Variants in GPHN observed in about 807,000 individuals in gnomAD.
GPHN encodes the protein gephyrin.
GPHN carries 17 observed loss-of-function variants against 95.5 expected under a neutral mutation model. The observed-to-expected ratio is 0.18, with a 90% CI of 0.12 to 0.27. The LOEUF is 0.27. GPHN is among the 10% of genes least tolerant of loss of function. The pLI is 1.00. For missense variants in GPHN, 660 were observed against 978.1 expected (o/e 0.67, Z 4.34); for synonymous variants, 320 against 322.5 (o/e 0.99, Z 0.08).
At chr14:67,348,456 C>T in the GPHN span, among the ~76,000 whole-genome samples, 4 of 151,392 alleles carry the variant, frequency 2.6e-5, no homozygotes, top group African/African-American at 9.7e-5. Flanking sequence ...CCGCCCACCT[C>T]AGCCTCCCAA....
chr14:67,419,839 C>A, the GPHN span, among the ~76,000 whole-genome samples: 5 of 150,456 alleles, frequency 3.3e-5, no homozygotes, highest in East Asian at 2.0e-4. Flanking sequence ...ACAGAGCCAG[C>A]CTCCGTCTCA....
the GPHN span, among the ~76,000 whole-genome samples, chr14:67,486,234 G>C: frequency 6.6e-6 from 1 of 152,226 alleles, no homozygotes; most frequent in Non-Finnish European, 1.5e-5. Context: ...TTCTCATGCT[G>C]TTCTTGTGAT....
At chr14:67,465,785 A>G in the GPHN span, among the ~76,000 whole-genome samples, 12 of 152,244 alleles carry the variant, frequency 7.9e-5, no homozygotes, top group South Asian at 2.1e-4. Flanking sequence ...GTTGTAATTA[A>G]GGATCTTAAG....
At position 67,019,153 on chromosome 14, in the gene GPHN, T is replaced by C. The variant is rs113056861; in HGVS notation, c.964-4480T>C. Among the ~76,000 whole-genome samples the C allele has an allele frequency of 3.6e-3, 550 of 152,328 alleles. 11 individuals carry two copies. Among genetic ancestry groups the C allele is most frequent in the African/African-American group, 0.012 (514 of 41,574 alleles). On this transcript the variant is annotated intron_variant, in intron 9 of 22. Coordinates refer to ENST00000478722, the MANE Select transcript of GPHN (RefSeq NM_020806.5). ...AATAGCCCATTTTAAATACCTTGTA[T>C]TGATAACAGAGAAGAGTACTTAGGA...
At chr14:67,267,510 CAAAGTGCTGGGATTAT>C in the GPHN span, among the ~76,000 whole-genome samples, 244 of 152,194 alleles carry the variant, frequency 1.6e-3, no homozygotes, top group African/African-American at 5.6e-3. Context: ...CTTGGCCTCC[CAAAGTGCTGGGATTAT>C]AGGCATGAGC....
the GPHN span, among the ~76,000 whole-genome samples, chr14:67,522,111 T>C: frequency 1.2e-4 from 19 of 152,280 alleles, no homozygotes; most frequent in Non-Finnish European, 2.1e-4. Context: ...AGGCGGAGGT[T>C]GCAGTGAGCT....
At chr14:67,155,094 CA>C (rs1317160925) in intron 18 of GPHN, among the ~76,000 whole-genome samples, 1 of 152,098 alleles carries the variant, frequency 6.6e-6, no homozygotes, top group East Asian at 1.9e-4. Context: ...ATGAAATAAG[CA>C]GAATTTTCAT....
intron 5 of GPHN, among the ~76,000 whole-genome samples, chr14:66,904,691 A>G (rs913018871): frequency 1.3e-5 from 2 of 152,088 alleles, no homozygotes; most frequent in Non-Finnish European, 2.9e-5. Context: ...TTCCTGCTGG[A>G]AAGGGGCACA....
the GPHN span, chr14:67,573,971 C>T: frequency 4.1e-6 from 4 of 976,338 alleles, no homozygotes; most frequent in Non-Finnish European, 6.6e-6. The surrounding 1 kb of genome is among the most constrained non-coding windows in gnomAD (Gnocchi z 4.8). Flanking sequence ...AAGATGGGGC[C>T]AAATGAGCAT....
intron 3 of GPHN, among the ~76,000 whole-genome samples, chr14:66,801,564 C>T (rs555985064): frequency 9.5e-4 from 144 of 151,460 alleles, no homozygotes; most frequent in Middle Eastern, 6.8e-3. Context: ...TCTCTCTCCC[C>T]GCTGCCCCTC....
At chr14:67,236,671 G>C in the GPHN span, among the ~76,000 whole-genome samples, 1 of 152,108 alleles carries the variant, frequency 6.6e-6, no homozygotes, top group Non-Finnish European at 1.5e-5. Context: ...ACTATATTTA[G>C]CTAGATTTAT....
intron 8 of GPHN, among the ~76,000 whole-genome samples, chr14:66,957,187 C>CTTTTTTT (rs1157690518): frequency 1.9e-4 from 16 of 84,830 alleles, no homozygotes; most frequent in Non-Finnish European, 2.5e-4. Flanking sequence ...TTCTTTCTTT[C>CTTTTTTT]TTTTTTTTTT....
chr14:66,791,618 A>C (rs2059972283), intron 3 of GPHN, among the ~76,000 whole-genome samples: 1 of 152,224 alleles, frequency 6.6e-6, no homozygotes, highest in Non-Finnish European at 1.5e-5. Flanking sequence ...GTAAACTGTC[A>C]TGGCATTGGT....
intron 2 of GPHN, among the ~76,000 whole-genome samples, chr14:66,756,391 T>A (rs534717804): frequency 1.3e-5 from 2 of 152,274 alleles, no homozygotes; most frequent in Admixed American, 6.5e-5. Flanking sequence ...AGGTTTCTTA[T>A]CTAAACCTGT....
intron 18 of GPHN, among the ~76,000 whole-genome samples, chr14:67,155,562 G>T (rs543740572): frequency 9.2e-5 from 14 of 152,200 alleles, no homozygotes; most frequent in Admixed American, 5.9e-4. Flanking sequence ...TAGAAAACTG[G>T]TATCTATTCA....
At chr14:66,634,942 T>C (rs374446837) in intron 1 of GPHN, among the ~76,000 whole-genome samples, 1 of 152,174 alleles carries the variant, frequency 6.6e-6, no homozygotes, top group Non-Finnish European at 1.5e-5. Flanking sequence ...GTTTATTATC[T>C]CTTTCAGTTA....
chr14:66,826,329 T>C (rs549665998), intron 4 of GPHN, among the ~76,000 whole-genome samples: 2 of 152,336 alleles, frequency 1.3e-5, no homozygotes, highest in South Asian at 4.1e-4. Context: ...CTCACACTTC[T>C]GATGCTAAAT....
At chr14:67,090,218 T>G (rs1212003985) in intron 12 of GPHN, among the ~76,000 whole-genome samples, 5 of 152,104 alleles carry the variant, frequency 3.3e-5, no homozygotes, top group Admixed American at 1.3e-4. Flanking sequence ...TATGGAGTTA[T>G]GGAGTCTCTT....
At chr14:67,619,940 C>A in the GPHN span, 2 of 1,411,502 alleles carry the variant, frequency 1.4e-6, no homozygotes, top group Non-Finnish European at 1.9e-6. Context: ...TCCAACCGCG[C>A]GGAGCCTCTG....
Sources: gnomAD v4.1 joint callset for allele counts (sites outside exome capture counted in the v4.1 genomes callset) on GRCh38, gnomAD v4.1.1 for gene constraint, Gnocchi (gnomAD v3.1) non-coding constraint, MANE v1.5 for transcripts, NCBI Gene and HGNC (gene_info 2026-07-23, HGNC 2026-07-21) for gene names.